The following CCNT1 variants were observed in gnomAD, a reference collection of about 807,000 sequenced individuals.
The protein encoded by CCNT1 is cyclin-T1.
Under a neutral mutation model 67.3 loss-of-function variants are expected in CCNT1, and 18 were observed. That is an observed-to-expected ratio of 0.27 (90% CI 0.18 to 0.40). The LOEUF (loss-of-function observed/expected upper bound fraction) is 0.40, where lower values mean the gene tolerates loss of function less well. Among genes scored for constraint, CCNT1 ranks in the 10% least tolerant of loss-of-function variants. CCNT1 has a pLI of 1.00. For synonymous variants in CCNT1, 333 were observed against 310.3 expected (o/e 1.07, Z -0.77); for missense variants, 744 against 884.9 (o/e 0.84, Z 2.02).
chr12:48,708,278 G>A (rs1456158639), intron 2 of CCNT1, among the ~76,000 whole-genome samples: 1 of 151,944 alleles, frequency 6.6e-6, no homozygotes, highest in Non-Finnish European at 1.5e-5. Context: ...CGGGCGTGGT[G>A]GCTCACGCCT....
chr12:48,706,277 G>A (rs747639484), intron 2 of CCNT1, among the ~76,000 whole-genome samples: 3 of 152,176 alleles, frequency 2.0e-5, no homozygotes, highest in Non-Finnish European at 4.4e-5. Context: ...TTTAGTGGTT[G>A]CCAGGAGCTG....
chr12:48,709,496 A>C (rs988884383), intron 2 of CCNT1, among the ~76,000 whole-genome samples: 1 of 152,244 alleles, frequency 6.6e-6, no homozygotes, highest in African/African-American at 2.4e-5. Context: ...CCCATGAAAC[A>C]TAATGTACAA....
rs959714858 is a variant in CCNT1, at chr12:48,690,996, A to G, written c.*2037T>C. ...CCTAAATGTACTAAACCACAACTATATATCTACCAATTATCTAACACAACA... is the reference window on the plus strand; with the variant it reads ...CCTAAATGTACTAAACCACAACTATGTATCTACCAATTATCTAACACAACA... On this transcript the variant is annotated 3_prime_UTR_variant, in exon 9 of 9. Coordinates refer to ENST00000261900, the MANE Select transcript of CCNT1 (RefSeq NM_001240.4). The G allele has an allele frequency of 7.2e-5, 11 of 152,228 alleles. No homozygotes were observed. Among genetic ancestry groups the G allele is most frequent in the African/African-American group, 2.4e-4 (10 of 41,462 alleles). 9.4% of individuals were successfully genotyped at this position (152,228 alleles called of 1,614,324 possible).
rs1404717896 is a variant in CCNT1, at chr12:48,691,320, T to G, written c.*1713A>C. The stretch of plus-strand genomic sequence containing the variant: ...TAGCAGCATAAGTACAACTCCTGTC[T>G]CCCTATGACTTCCAAATGAAAAATA... On this transcript the variant is annotated 3_prime_UTR_variant, in exon 9 of 9. Coordinates refer to ENST00000261900, the MANE Select transcript of CCNT1 (RefSeq NM_001240.4). 1 of 152,156 alleles carries G rather than the reference T, an allele frequency of 6.6e-6. No homozygotes were observed. Among genetic ancestry groups the G allele is most frequent in the Non-Finnish European group, 1.5e-5 (1 of 68,034 alleles). The allele number at this position is 152,156 out of a possible 1,614,324, so 9.4% of individuals were successfully genotyped here. A position where few individuals can be genotyped will look rare whatever the true frequency, so the allele number is the denominator to read the frequency against.
Position 48,714,450 on chromosome 12 carries a change from G to A in CCNT1, c.236C>T (p.Pro79Leu), listed in dbSNP as rs372888067. The change falls in exon 2 of 9, where the codon CCT (proline) becomes CTT (leucine). Residue 79 changes from proline (P) to leucine (L), a missense_variant. Around this residue, in one of 3 missense-constraint regions of CCNT1, gnomAD observed 142 missense variants for 277.0 expected, o/e 0.51. Transcript: ENST00000261900. ...FYMIQSFTQF[P>L]GNSVAPAALF... Reference sequence around the variant, plus strand: ...TAAAAAAATTATACTTACATTTCCAGGGAACTGTGTGAAGGACTGAATCAT... The same window carrying A: ...TAAAAAAATTATACTTACATTTCCAAGGAACTGTGTGAAGGACTGAATCAT... The A allele has an allele frequency of 4.6e-5, 73 of 1,584,216 alleles. No homozygotes were observed. In the African/African-American group the frequency reaches 8.7e-4, roughly 19 times the overall value.
rs1376782973 is a variant in CCNT1 at position 48,694,092 on chromosome 12, G to A, written c.1122C>T (p.Ser374=). The A allele has an allele frequency of 6.2e-7, 1 of 1,614,158 alleles. No individual in the cohort carries two copies. The highest frequency in any genetic ancestry group is 1.3e-5 in the African/African-American group (1 of 75,032). Residue 374 remains serine (S), a synonymous_variant, in exon 9 of 9, where the codon TCC becomes TCT. Transcript: ENST00000261900. ...GCACACTCTTACTATTCTGCTTCTG[G>A]GAAATAAATGCATTTGAACCATCCT... The part of the protein sequence containing the change: ...LPQDGSNAFI[S]QKQNSKSVPS...
At chr12:48,713,948 G>A (rs1175578309) in intron 2 of CCNT1, among the ~76,000 whole-genome samples, 1 of 152,078 alleles carries the variant, frequency 6.6e-6, no homozygotes, top group East Asian at 1.9e-4. Context: ...AGGCTGGAGT[G>A]AAGCGACTCA....
Position 48,692,958 on chromosome 12 carries a change from T to C in CCNT1, c.*75A>G. 1.1e-6 allele frequency: 1 copy of C among 921,744 alleles called. No homozygotes were observed. The highest frequency in any genetic ancestry group is 1.6e-6 in the Non-Finnish European group (1 of 622,056). The allele number at this position is 921,744 out of a possible 1,614,324, so 57.1% of individuals were successfully genotyped here. ...GGATGACATATTTCATAAGTAATTT[T>C]CTTAGTCCAAAAAAAAAAAAGAAAA... On this transcript the variant is annotated 3_prime_UTR_variant, in exon 9 of 9. Transcript: ENST00000261900.
In CCNT1 at chr12:48,694,202, G is replaced by C; in HGVS notation, c.1012C>G (p.Gln338Glu). The change falls in exon 9 of 9, where the codon CAA becomes GAA. Residue 338 changes from glutamine to glutamate, a missense_variant. Around this residue, in one of 3 missense-constraint regions of CCNT1, gnomAD observed 564 missense variants for 574.2 expected, o/e 0.98. Transcript: ENST00000261900. ...GTAGGTTCTAGTTTGAAAGAAGGTT[G>C]GGAGGACAGCCAACGCTTGCCCGGC... ...MLPGKRWLSS[Q>E]PSFKLEPTQG... 6.2e-7 allele frequency: 1 copy of C among 1,614,198 alleles called. No homozygotes were observed. Among genetic ancestry groups the C allele is most frequent in the Non-Finnish European group, 8.5e-7 (1 of 1,180,030 alleles).
intron 2 of CCNT1, among the ~76,000 whole-genome samples, chr12:48,708,462 G>A (rs372741622): frequency 6.6e-6 from 1 of 151,792 alleles, no homozygotes; most frequent in East Asian, 1.9e-4. Flanking sequence ...CAGGAGAATC[G>A]CTTGAACCCA....
In CCNT1 at chr12:48,714,521, T is replaced by A; in HGVS notation, c.165A>T (p.Ser55=). Residue 55 remains serine (S), a synonymous_variant, in exon 2 of 9, where the codon TCA becomes TCT. Coordinates refer to ENST00000261900, the MANE Select transcript of CCNT1 (RefSeq NM_001240.4). Reference sequence around the variant, plus strand: ...CTATAGCAGTGTTGATAGTCAATTGTGAGCTGAAGTGTTCAAGTTAAGATC... The same window carrying A: ...CTATAGCAGTGTTGATAGTCAATTGAGAGCTGAAGTGTTCAAGTTAAGATC... ...LQDMGQRLNV[S]QLTINTAIVY... 1 of 1,602,964 alleles carries A rather than the reference T, an allele frequency of 6.2e-7. No homozygotes were observed. Among genetic ancestry groups the A allele is most frequent in the Non-Finnish European group, 8.5e-7 (1 of 1,170,030 alleles).
At chr12:48,709,089 G>A (rs1257076508) in intron 2 of CCNT1, among the ~76,000 whole-genome samples, 1 of 152,042 alleles carries the variant, frequency 6.6e-6, no homozygotes, top group Non-Finnish European at 1.5e-5. Flanking sequence ...CTTGGGGTTG[G>A]GGGGGACTAT....
rs111231208 is a variant in CCNT1 at position 48,694,417 on chromosome 12, T to C, written c.797A>G (p.Lys266Arg). 1 of 1,612,112 alleles carries C rather than the reference T, an allele frequency of 6.2e-7. No homozygotes were observed. The highest frequency in any genetic ancestry group is 1.1e-5 in the South Asian group (1 of 91,046). The part of the protein sequence containing the change: ...WNWRACEAAK[K>R]TKADDRGTDE... ...TGTTCCTCGGTCATCTGCTTTTGTT[T>C]TCTTGGCAGCCTCGCATGCCTGCAA... The change falls in exon 9 of 9, where the codon AAA (lysine) becomes AGA (arginine). Residue 266 changes from lysine to arginine, a missense_variant. By Grantham distance (26) the Lys-to-Arg change is conservative. This residue lies in a region of CCNT1 where 564 missense variants were observed against 574.2 expected (regional missense o/e 0.98). Coordinates refer to ENST00000261900, the MANE Select transcript of CCNT1 (RefSeq NM_001240.4).
At chr12:48,705,947 G>C in intron 2 of CCNT1, 51 bp from the exon 3 acceptor site, 1 of 1,542,214 alleles carries the variant, frequency 6.5e-7, no homozygotes, top group Non-Finnish European at 8.8e-7. Context: ...TTCATTCATA[G>C]AGTAAGGTAG....
chr12:48,707,204 A>C, intron 2 of CCNT1, among the ~76,000 whole-genome samples: 1 of 152,178 alleles, frequency 6.6e-6, no homozygotes. Flanking sequence ...ATGGTGATCT[A>C]GGCGTAAAGC....
In CCNT1 at chr12:48,688,984, T is replaced by C. The variant is rs995039011; in HGVS notation, c.*4049A>G. ...GCTGGCACTTCCACTTTGTAACCAA[T>C]TATATTATGATCAACAACTAATCAG... On this transcript the variant is annotated 3_prime_UTR_variant, in exon 9 of 9. Transcript: ENST00000261900. The C allele has an allele frequency of 2.0e-5, 3 of 152,176 alleles. No individual in the cohort carries two copies. The highest frequency in any genetic ancestry group is 4.4e-5 in the Non-Finnish European group (3 of 68,042). 9.4% of individuals were successfully genotyped at this position (152,176 alleles called of 1,614,324 possible). A position where few individuals can be genotyped will look rare whatever the true frequency, so the allele number is the denominator to read the frequency against.
intron 3 of CCNT1, 125 bp downstream of exon 3, chr12:48,705,643 C>A: frequency 1.3e-6 from 1 of 776,526 alleles, no homozygotes; most frequent in Non-Finnish European, 2.1e-6. Flanking sequence ...ATCTAAACTT[C>A]AATAAATCGA....
Position 48,705,817 on chromosome 12 carries a change from G to A in CCNT1, c.323C>T (p.Ala108Val). 6.2e-7 allele frequency: 1 copy of A among 1,613,280 alleles called. No homozygotes were observed. The highest frequency in any genetic ancestry group is 8.5e-7 in the Non-Finnish European group (1 of 1,179,352). Residue 108 changes from alanine (A) to valine (V), a missense_variant, in exon 3 of 9, where the codon GCA (alanine) becomes GTA (valine). Physicochemically the swap from Ala to Val is moderately conservative, Grantham distance 64. Transcript: ENST00000261900. ...PKKLEHVIKV[A>V]HTCLHPQESL... is the part of the protein sequence containing the mutation. ...TTCCTGAGGATGGAGACAAGTATGT[G>A]CTACCTTGATGACATGTTCCAATTT...
intron 2 of CCNT1, among the ~76,000 whole-genome samples, chr12:48,713,710 G>A (rs770494069): frequency 1.3e-5 from 2 of 152,176 alleles, no homozygotes; most frequent in Non-Finnish European, 2.9e-5. Flanking sequence ...CTTGAGCCCA[G>A]AAGGTTAAGG....
Sources: gnomAD v4.1 joint callset for allele counts (sites outside exome capture counted in the v4.1 genomes callset) on GRCh38, gnomAD v4.1.1 for gene constraint, gnomAD v4.1.1 regional missense constraint, MANE v1.5 for transcripts, NCBI Gene and HGNC (gene_info 2026-07-23, HGNC 2026-07-21) for gene names.